Variants in TCF4 observed in about 807,000 individuals in gnomAD.
The protein encoded by TCF4 is transcription factor 4, also known as SL3-3 enhancer factor 2.
Under a neutral mutation model 82.1 loss-of-function variants are expected in TCF4, and 3 were observed. The observed-to-expected ratio is 0.04, with a 90% CI of 0.02 to 0.09. The LOEUF is 0.09. Among genes scored for constraint, TCF4 ranks in the 10% least tolerant of loss-of-function variants. The probability of loss-of-function intolerance (pLI) is 1.00; values close to 1 mark genes in which losing one functional copy is unlikely to be tolerated. For synonymous variants in TCF4, 276 were observed against 309.6 expected (o/e 0.89, Z 1.14); for missense variants, 518 against 852.7 (o/e 0.61, Z 4.89).
At chr18:55,353,496 T>A (rs2082739491) in intron 6 of TCF4, among the ~76,000 whole-genome samples, 1 of 152,188 alleles carries the variant, frequency 6.6e-6, no homozygotes, top group African/African-American at 2.4e-5. Flanking sequence ...TATTTCTTTC[T>A]CACTTGGACA....
At chr18:55,594,170 C>T (rs1295835402) in intron 2 of TCF4, among the ~76,000 whole-genome samples, 1 of 152,228 alleles carries the variant, frequency 6.6e-6, no homozygotes, top group Non-Finnish European at 1.5e-5. Context: ...CTTTCCGTCA[C>T]TGTTCACAAG....
intron 8 of TCF4, among the ~76,000 whole-genome samples, chr18:55,323,181 T>TG (rs2076004320): frequency 6.6e-6 from 1 of 152,144 alleles, no homozygotes; most frequent in African/African-American, 2.4e-5. Context: ...GGAGATGGGC[T>TG]GACTTGAGCT....
chr18:55,539,274 T>C (rs996146945), intron 3 of TCF4, among the ~76,000 whole-genome samples: 1 of 152,186 alleles, frequency 6.6e-6, no homozygotes, highest in Non-Finnish European at 1.5e-5. Flanking sequence ...GAAAGGCTAC[T>C]GATTCTTATG....
chr18:55,349,697 A>G (rs142934712), intron 8 of TCF4, among the ~76,000 whole-genome samples: 90 of 152,018 alleles, frequency 5.9e-4, no homozygotes, highest in African/African-American at 2.0e-3. Flanking sequence ...TCAAAATATG[A>G]TATCATGTAT....
intron 3 of TCF4, among the ~76,000 whole-genome samples, chr18:55,567,093 C>T (rs1319197732): frequency 6.6e-6 from 1 of 152,044 alleles, no homozygotes; most frequent in Non-Finnish European, 1.5e-5. Context: ...AAATGCCACT[C>T]TGCATATTTA....
chr18:55,510,515 G>T, intron 3 of TCF4: 2 of 1,250,298 alleles, frequency 1.6e-6, no homozygotes, highest in East Asian at 2.7e-5. Flanking sequence ...GGATACAGAA[G>T]TCGATAGATC....
At chr18:55,530,565 G>GT (rs1372823752) in intron 3 of TCF4, among the ~76,000 whole-genome samples, 2 of 149,386 alleles carry the variant, frequency 1.3e-5, no homozygotes, top group Non-Finnish European at 3.0e-5. Context: ...CTGAAAAGGG[G>GT]GGGGGAAACA....
At chr18:55,621,862 ATATATAC>A (rs2097720793) in intron 2 of TCF4, among the ~76,000 whole-genome samples, 1 of 106,520 alleles carries the variant, frequency 9.4e-6, no homozygotes, top group South Asian at 2.6e-4. Flanking sequence ...GTATTATATT[ATATATAC>A]ACTATATATA....
chr18:55,352,476 G>T (rs2082517148), intron 6 of TCF4, among the ~76,000 whole-genome samples: 2 of 152,054 alleles, frequency 1.3e-5, no homozygotes, highest in African/African-American at 2.4e-5. Context: ...TTTTTCAAGA[G>T]ATATGTAATA....
At chr18:55,278,344 AAAAGAGTTAAC>A (rs1292182549) in intron 9 of TCF4, among the ~76,000 whole-genome samples, 4 of 152,180 alleles carry the variant, frequency 2.6e-5, no homozygotes, top group Non-Finnish European at 5.9e-5. Flanking sequence ...CACCTGGGCA[AAAAGAGTTAAC>A]ATTTTGCACA....
chr18:55,405,723 G>A (rs1362619493), intron 5 of TCF4, among the ~76,000 whole-genome samples: 1 of 152,134 alleles, frequency 6.6e-6, no homozygotes, highest in Non-Finnish European at 1.5e-5. Flanking sequence ...ACAAAGAGAG[G>A]AAGAGTGGAA....
chr18:55,557,080 C>T (rs1337332363), intron 3 of TCF4, among the ~76,000 whole-genome samples: 1 of 152,136 alleles, frequency 6.6e-6, no homozygotes, highest in Non-Finnish European at 1.5e-5. Flanking sequence ...TTCAAAGGAC[C>T]ATTGGATCAA....
At chr18:55,499,956 G>A (rs1168286608) in intron 3 of TCF4, among the ~76,000 whole-genome samples, 1 of 152,136 alleles carries the variant, frequency 6.6e-6, no homozygotes, top group African/African-American at 2.4e-5. Flanking sequence ...GCTGAGGCAG[G>A]CGGATCACAC....
intron 3 of TCF4, among the ~76,000 whole-genome samples, chr18:55,557,447 A>G (rs529662486): frequency 5.3e-5 from 8 of 152,272 alleles, no homozygotes; most frequent in African/African-American, 1.9e-4. Flanking sequence ...ACACTAATAG[A>G]AATTACTGAT....
In TCF4 at chr18:55,223,485, G is replaced by A. The variant is rs1291257308; in HGVS notation, c.*4550C>T. 1.3e-5 allele frequency: 2 copies of A among 152,530 alleles called. No individual in the cohort carries two copies. Among genetic ancestry groups the A allele is most frequent in the East Asian group, 1.9e-4 (1 of 5,198 alleles). 9.4% of individuals were successfully genotyped at this position (152,530 alleles called of 1,614,324 possible). On this transcript the variant is annotated 3_prime_UTR_variant, in exon 20 of 20. Coordinates refer to ENST00000354452, the MANE Select transcript of TCF4 (RefSeq NM_001083962.2). The stretch of plus-strand genomic sequence containing the variant: ...AATGGCACATTTATTGCTACAGAAC[G>A]GTCATGTACATGACTTCATCGAATA...
At chr18:55,393,089 G>C (rs1210305395) in intron 6 of TCF4, among the ~76,000 whole-genome samples, 1 of 152,208 alleles carries the variant, frequency 6.6e-6, no homozygotes, top group Admixed American at 6.5e-5. Context: ...TGTTGGCTGG[G>C]TGCAGTGGCT....
At position 55,226,265 on chromosome 18, in the gene TCF4, G is replaced by C. The variant is rs1185388873; in HGVS notation, c.*1770C>G. 1.5e-5 allele frequency: 2 copies of C among 135,440 alleles called. No homozygotes were observed. Among genetic ancestry groups the C allele is most frequent in the Admixed American group, 7.7e-5 (1 of 13,052 alleles). The allele number at this position is 135,440 out of a possible 1,614,324, so 8.4% of individuals were successfully genotyped here. ...GTGCTGATAGGTGGAAAAACTACTT[G>C]AACAGGGATTTTTTTTTTTCTTAAT... is the stretch of plus-strand genomic sequence containing the variant. On this transcript the variant is annotated 3_prime_UTR_variant, in exon 20 of 20. Transcript: ENST00000354452.
intron 3 of TCF4, among the ~76,000 whole-genome samples, chr18:55,506,491 ACCCAAATGT>A (rs1167787301): frequency 2.0e-5 from 3 of 152,202 alleles, no homozygotes; most frequent in Non-Finnish European, 4.4e-5. Context: ...TACAAAATGA[ACCCAAATGT>A]CCAAAGGAAA....
At chr18:55,307,255 T>C (rs2070685365) in intron 8 of TCF4, among the ~76,000 whole-genome samples, 2 of 152,218 alleles carry the variant, frequency 1.3e-5, no homozygotes. Flanking sequence ...ACTGGTAAAG[T>C]CCTTCACCTT....
Sources: allele counts gnomAD v4.1 joint callset (sites outside exome capture counted in the v4.1 genomes callset), GRCh38; gene constraint gnomAD v4.1.1; transcripts MANE v1.5; gene names NCBI Gene and HGNC (gene_info 2026-07-23, HGNC 2026-07-21).